The following SHF variants were observed in gnomAD, a reference collection of about 807,000 sequenced individuals.
The protein encoded by SHF is Src homology 2 domain containing F, also known as SH2 domain-containing adapter protein F.
In SHF, 30 loss-of-function variants were observed where a neutral mutation model predicts 42.4. That is an observed-to-expected ratio of 0.71 (90% CI 0.53 to 0.96). SHF has a LOEUF of 0.96. Among genes scored for constraint, SHF ranks in the 40% least tolerant of loss-of-function variants. The probability of loss-of-function intolerance (pLI) is 0.00; values close to 1 mark genes in which losing one functional copy is unlikely to be tolerated. For synonymous variants in SHF, 264 were observed against 269.9 expected (o/e 0.98, Z 0.21); for missense variants, 598 against 634.0 (o/e 0.94, Z 0.61).
intron 1 of SHF, chr15:45,181,043 C>T (rs1898097309): frequency 6.6e-6 from 1 of 152,310 alleles, no homozygotes; most frequent in African/African-American, 2.4e-5. Flanking sequence ...CACCCCTAAT[C>T]CTCCACTCCA....
intron 4 of SHF, among the ~76,000 whole-genome samples, 174 bp from the exon 5 acceptor site, chr15:45,172,492 G>GT (rs1288445241): frequency 4.6e-5 from 7 of 152,158 alleles, no homozygotes; most frequent in African/African-American, 1.4e-4. Flanking sequence ...CGTAATCCTG[G>GT]ATCTATCCCC....
chr15:45,170,013 G>T (rs1221226573), intron 6 of SHF, among the ~76,000 whole-genome samples: 1 of 152,256 alleles, frequency 6.6e-6, no homozygotes. Context: ...AGACAGATGC[G>T]GAGCCAGGTC....
chr15:45,188,659 C>A (rs1898600789), upstream of SHF, among the ~76,000 whole-genome samples: 1 of 152,258 alleles, frequency 6.6e-6, no homozygotes, highest in Non-Finnish European at 1.5e-5. Context: ...TCAAACATCC[C>A]CCACCCACGG....
rs2292469 is a variant in SHF, at chr15:45,175,445, A to C, written c.641-20T>G. 2.5e-4 allele frequency: 389 copies of C among 1,560,206 alleles called. 5 individuals are homozygous for C. The East Asian group carries it at 9.2e-3, about 37-fold the overall frequency. On this transcript the variant is annotated intron_variant, in intron 2 of 6. Coordinates refer to ENST00000690270, the MANE Select transcript of SHF (RefSeq NM_001394037.1). ...GGATCTCTGCCGGAGCAGGGCAGGAAGGGAAAGGTGAGGGTTCAGCCTTGG... is the reference window on the plus strand; with the variant it reads ...GGATCTCTGCCGGAGCAGGGCAGGACGGGAAAGGTGAGGGTTCAGCCTTGG...
At chr15:45,189,955 GTGCCAC>G (rs1898667655), upstream of SHF, among the ~76,000 whole-genome samples, 1 of 152,192 alleles carries the variant, frequency 6.6e-6, no homozygotes, top group Non-Finnish European at 1.5e-5. Flanking sequence ...AGCTATGATT[GTGCCAC>G]TGGTCAGACA....
At chr15:45,177,400 G>A (rs940062481) in intron 2 of SHF, among the ~76,000 whole-genome samples, 2 of 152,158 alleles carry the variant, frequency 1.3e-5, no homozygotes, top group African/African-American at 4.8e-5. Flanking sequence ...CATAAGTAAT[G>A]TTCTCTAATC....
At chr15:45,168,514 C>T (rs1897324989) in intron 6 of SHF, among the ~76,000 whole-genome samples, 1 of 152,194 alleles carries the variant, frequency 6.6e-6, no homozygotes. Flanking sequence ...TTCTTGAGCT[C>T]TTTGGTAGGA....
chr15:45,198,858 C>T, exon 2 of SHF: 1 of 1,614,016 alleles, frequency 6.2e-7, no homozygotes, highest in Non-Finnish European at 8.5e-7. Flanking sequence ...TGTTTTGGCC[C>T]ATTAGCCACG....
At chr15:45,192,156 A>T (rs115490379), upstream of SHF, among the ~76,000 whole-genome samples, 1,266 of 152,090 alleles carry the variant, frequency 8.3e-3, 13 homozygotes, top group African/African-American at 0.029. Flanking sequence ...TATCACATTT[A>T]GGAAATTTAA....
At chr15:45,176,461 C>T (rs147282370) in intron 2 of SHF, among the ~76,000 whole-genome samples, 6 of 151,846 alleles carry the variant, frequency 4.0e-5, no homozygotes, top group East Asian at 1.9e-4. Flanking sequence ...ATCCTCCCCA[C>T]GGACCCGGCA....
chr15:45,188,323 C>G (rs1898585239), upstream of SHF, among the ~76,000 whole-genome samples: 1 of 152,224 alleles, frequency 6.6e-6, no homozygotes, highest in African/African-American at 2.4e-5. Context: ...CCCCCAGACT[C>G]CTGACTCTAG....
upstream of SHF, among the ~76,000 whole-genome samples, chr15:45,188,686 C>A (rs1448924398): frequency 1.3e-5 from 2 of 152,232 alleles, no homozygotes; most frequent in African/African-American, 4.8e-5. Flanking sequence ...CTGCTCCAAA[C>A]GGGCCCACAT....
chr15:45,198,827 C>T lies in SHF; in HGVS notation c.248G>A (p.Arg83Gln), dbSNP rs143255350. 1.2e-5 allele frequency: 20 copies of T among 1,613,988 alleles called. No homozygotes were observed. In the African/African-American group the frequency reaches 1.6e-4, roughly 13 times the overall value. ...GATAATGCGCAGGCGCGTTGTACTC[C>T]GCCAGTTGCTTTTCTTCTTCTGTTT... The change falls in exon 2 of 8, where the codon CGG becomes CAG. Residue 83 changes from arginine (R) to glutamine (Q), a missense_variant. Arg to Gln is a conservative substitution (Grantham distance 43). Transcript: ENST00000290894.
rs1567033904 is a variant in SHF at position 45,178,153 on chromosome 15, CCT to C, written c.640+10_640+11del. On this transcript the variant is annotated intron_variant, in intron 2 of 6. Transcript: ENST00000690270. Reference sequence around the variant, plus strand: ...GGCCTCAGGGAGCACCTCCCCTGCCCCTGTCACTCACCGGCCATCATCTTTTG... The same window carrying C: ...GGCCTCAGGGAGCACCTCCCCTGCCCGTCACTCACCGGCCATCATCTTTTG... 3 of 1,611,090 alleles carry C rather than the reference CCT, an allele frequency of 1.9e-6. No individual in the cohort carries two copies. The highest frequency in any genetic ancestry group is 8.5e-7 in the Non-Finnish European group (1 of 1,179,382).
intron 1 of SHF, among the ~76,000 whole-genome samples, chr15:45,178,659 C>T (rs969316606): frequency 4.0e-5 from 6 of 151,854 alleles, no homozygotes; most frequent in African/African-American, 9.7e-5. Context: ...CTCAGCCTCC[C>T]GAGTAGCTGG....
intron 1 of SHF, 54 bp downstream of exon 1, chr15:45,187,400 C>T: frequency 2.4e-6 from 3 of 1,231,012 alleles, no homozygotes; most frequent in Non-Finnish European, 3.0e-6. Flanking sequence ...CTCGCAGCCT[C>T]CAGACCCCTG....
At chr15:45,185,209 T>A (rs967641025) in intron 1 of SHF, among the ~76,000 whole-genome samples, 22 of 152,098 alleles carry the variant, frequency 1.4e-4, no homozygotes, top group African/African-American at 4.6e-4. Flanking sequence ...CCAGGCCTCA[T>A]CACATGTCAG....
chr15:45,171,845 T>C (rs1428166649), intron 6 of SHF, 38 bp downstream of exon 6: 17 of 1,601,336 alleles, frequency 1.1e-5, no homozygotes, highest in Non-Finnish European at 1.4e-5. Flanking sequence ...CCTTCCACCC[T>C]GCTTGCTGTC....
intron 2 of SHF, chr15:45,198,722 C>T: frequency 6.4e-7 from 1 of 1,565,338 alleles, no homozygotes. Flanking sequence ...TTATCCTCTT[C>T]AACAGTCATA....
Sources: gnomAD v4.1 joint callset for allele counts (sites outside exome capture counted in the v4.1 genomes callset) on GRCh38, gnomAD v4.1.1 for gene constraint, MANE v1.5 for transcripts, NCBI Gene and HGNC (gene_info 2026-07-23, HGNC 2026-07-21) for gene names.